PNKD: variants seen among roughly 807,000 people sequenced by gnomAD.
The protein encoded by PNKD is PNKD metallo-beta-lactamase domain containing, also known as probable thioesterase PNKD.
In PNKD, 36 loss-of-function variants were observed where a neutral mutation model predicts 45.3. The observed-to-expected ratio is 0.80, with a 90% CI of 0.61 to 1.05. The LOEUF (loss-of-function observed/expected upper bound fraction) is 1.05. Ranked by LOEUF, PNKD falls within the 50% of genes least tolerant of loss-of-function variation. PNKD has a pLI of 0.00. For missense variants in PNKD, 511 were observed against 506.6 expected (o/e 1.01, Z -0.08); for synonymous variants, 197 against 210.1 (o/e 0.94, Z 0.54).
At chr2:218,316,309 AC>A (rs1259034382) in intron 2 of PNKD, among the ~76,000 whole-genome samples, 1 of 126,004 alleles carries the variant, frequency 7.9e-6, no homozygotes. Flanking sequence ...TCACTCTGTC[AC>A]CCAGGCTGGA....
chr2:218,334,833 T>G (rs1209676424), intron 2 of PNKD: 1 of 689,944 alleles, frequency 1.4e-6, no homozygotes, highest in Non-Finnish European at 2.6e-6. Flanking sequence ...AGTGGTTATT[T>G]TGTGAAGGAG....
intron 2 of PNKD, among the ~76,000 whole-genome samples, chr2:218,335,086 G>C (rs1330003722): frequency 6.6e-6 from 1 of 151,922 alleles, no homozygotes; most frequent in African/African-American, 2.4e-5. Context: ...CAGCGTTTCA[G>C]GCTTCAGTGA....
chr2:218,340,712 C>G lies in PNKD; in HGVS notation c.466-16C>G. The G allele has an allele frequency of 2.5e-6, 4 of 1,611,240 alleles. No homozygotes were observed. The highest frequency in any genetic ancestry group is 3.4e-6 in the Non-Finnish European group (4 of 1,177,448). On this transcript the variant is annotated splice_polypyrimidine_tract_variant and intron_variant, in intron 4 of 9. Transcript: ENST00000273077. The surrounding 1 kb of genome is among the most constrained non-coding windows in gnomAD (Gnocchi z 4.2). ...GCATCCTGCTCCCCAGTCTCCAAAC[C>G]TCCTCTCTCTCGCAGGCTTCCATTG... is the stretch of plus-strand genomic sequence containing the variant.
intron 2 of PNKD, among the ~76,000 whole-genome samples, chr2:218,328,707 T>A (rs567023142): frequency 2.9e-4 from 44 of 152,372 alleles, no homozygotes; most frequent in African/African-American, 9.6e-4. Context: ...TCTGAATGAA[T>A]GCATGCGTGC....
In PNKD at chr2:218,345,027, C is replaced by A; in HGVS notation, c.*46C>A. 6.9e-7 allele frequency: 1 copy of A among 1,457,172 alleles called. No individual in the cohort carries two copies. The highest frequency in any genetic ancestry group is 9.5e-7 in the Non-Finnish European group (1 of 1,056,146). 90.3% of individuals were successfully genotyped at this position (1,457,172 alleles called of 1,614,324 possible). On this transcript the variant is annotated 3_prime_UTR_variant, in exon 10 of 10. Coordinates refer to ENST00000273077, the MANE Select transcript of PNKD (RefSeq NM_015488.5). ...CAGCCCACTCCCCGCATGGGGAGGC[C>A]GCCACCACCAACACCTCATCATCCT...
intron 2 of PNKD, among the ~76,000 whole-genome samples, chr2:218,305,622 T>C (rs12105003): frequency 0.033 from 5,015 of 152,086 alleles, 265 homozygotes; most frequent in African/African-American, 0.11. Context: ...CCTTCCAAAG[T>C]GCTGGGATTA....
chr2:218,283,179 CA>C (rs144138266), intron 2 of PNKD, among the ~76,000 whole-genome samples: 2,260 of 152,294 alleles, frequency 0.015, 58 homozygotes, highest in African/African-American at 0.052. Context: ...GCCAAGAAAC[CA>C]GGGGGAGGGA....
chr2:218,288,018 C>G (rs1321965296), intron 2 of PNKD, among the ~76,000 whole-genome samples: 2 of 152,260 alleles, frequency 1.3e-5, no homozygotes, highest in African/African-American at 4.8e-5. Flanking sequence ...TATAATACTT[C>G]TGAGCACAGT....
intron 2 of PNKD, chr2:218,279,549 A>C: frequency 1.9e-6 from 1 of 537,312 alleles, no homozygotes; most frequent in Non-Finnish European, 3.3e-6. Context: ...GCTCCCTGCC[A>C]TCTCCCCTCC....
In PNKD at chr2:218,340,948, G is replaced by A. The variant is rs1694656619; in HGVS notation, c.524+162G>A. 2 of 690,794 alleles carry A rather than the reference G, an allele frequency of 2.9e-6. No individual in the cohort carries two copies. The highest frequency in any genetic ancestry group is 5.3e-6 in the Non-Finnish European group (2 of 378,618). 42.8% of individuals were successfully genotyped at this position (690,794 alleles called of 1,614,324 possible). ...GACACCAGCAGGGAGGGAGGAGAGG[G>A]GACAGTCTCCCACCACTCCATTGAT... is the stretch of plus-strand genomic sequence containing the variant. On this transcript the variant is annotated intron_variant, in intron 5 of 9. Coordinates refer to ENST00000273077, the MANE Select transcript of PNKD (RefSeq NM_015488.5). This position sits in a 1 kb window ranked among gnomAD's most constrained non-coding sequence, Gnocchi z 4.2.
At chr2:218,305,725 T>C (rs964217077) in intron 2 of PNKD, among the ~76,000 whole-genome samples, 1 of 152,148 alleles carries the variant, frequency 6.6e-6, no homozygotes, top group East Asian at 1.9e-4. Flanking sequence ...GCCCCCACCA[T>C]AGCCAAACCA....
At chr2:218,303,668 C>G (rs1693333362) in intron 2 of PNKD, among the ~76,000 whole-genome samples, 1 of 149,982 alleles carries the variant, frequency 6.7e-6, no homozygotes. Context: ...CCTCTGCCTC[C>G]TGGGTTCAAG....
intron 2 of PNKD, among the ~76,000 whole-genome samples, chr2:218,311,495 G>T (rs538590129): frequency 6.6e-6 from 1 of 152,256 alleles, no homozygotes; most frequent in African/African-American, 2.4e-5. Flanking sequence ...GGAAACATGT[G>T]AGCAAAGGAA....
rs889899692 is a variant in PNKD, at chr2:218,340,301, G to T, written c.465+160G>T. Among the ~76,000 whole-genome samples, 1 of 152,130 alleles carries T rather than the reference G, an allele frequency of 6.6e-6. No individual in the cohort carries two copies. Among genetic ancestry groups the T allele is most frequent in the Non-Finnish European group, 1.5e-5 (1 of 68,014 alleles). On this transcript the variant is annotated intron_variant, in intron 4 of 9. Coordinates refer to ENST00000273077, the MANE Select transcript of PNKD (RefSeq NM_015488.5). The surrounding 1 kb of genome is among the most constrained non-coding windows in gnomAD (Gnocchi z 4.2). ...ATGCGCACACATAGCCTGGGGAAGG[G>T]GGGTACAGGGCATGGCTGGGCAGAA...
chr2:218,340,120 T>C lies in PNKD; in HGVS notation c.444T>C (p.Pro148=). 6.2e-7 allele frequency: 1 copy of C among 1,612,790 alleles called. No individual in the cohort carries two copies. Residue 148 remains proline (P), a synonymous_variant, in exon 4 of 10, where the codon CCT becomes CCC. Coordinates refer to ENST00000273077, the MANE Select transcript of PNKD (RefSeq NM_015488.5). The surrounding 1 kb of genome is among the most constrained non-coding windows in gnomAD (Gnocchi z 4.2). ...CCCAGCTGGCTGTGGCTGTGGACCC[T>C]TCAGACCCTCGGGCTGTGCAGGTGA... The part of the protein sequence containing the change: ...TQAQLAVAVD[P]SDPRAVQASI...
chr2:218,343,507 C>A lies in PNKD; in HGVS notation c.789C>A (p.Thr263=). Residue 263 remains threonine, a synonymous_variant, in exon 8 of 10, where the codon ACC becomes ACA. Coordinates refer to ENST00000273077, the MANE Select transcript of PNKD (RefSeq NM_015488.5). ...CCTCCAACCCCCACCCAGGGCGGAC[C>A]TTTGAGGGCAATGCAGAGACCATGC... ...DLLFLSGCGR[T]FEGNAETMLS... is the part of the protein sequence containing the mutation. The A allele has an allele frequency of 1.2e-6, 2 of 1,613,288 alleles. No homozygotes were observed. Among genetic ancestry groups the A allele is most frequent in the South Asian group, 1.1e-5 (1 of 90,864 alleles).
intron 2 of PNKD, among the ~76,000 whole-genome samples, chr2:218,314,152 G>A (rs4268913): frequency 0.63 from 93,207 of 148,932 alleles, 29,313 homozygotes; most frequent in African/African-American, 0.69. Context: ...CAAACTCCCA[G>A]CCTCAGGTGA....
At chr2:218,276,864 T>C in intron 2 of PNKD, 1 of 682,800 alleles carries the variant, frequency 1.5e-6, no homozygotes, top group Admixed American at 2.3e-5. Context: ...GCCTCCACGT[T>C]GGTGCCTTTG....
At chr2:218,301,473 A>C (rs1429202307) in intron 2 of PNKD, among the ~76,000 whole-genome samples, 1 of 152,190 alleles carries the variant, frequency 6.6e-6, no homozygotes, top group Non-Finnish European at 1.5e-5. Context: ...GCAGAGTCTG[A>C]CTAGCACTGT....
Sources: allele counts gnomAD v4.1 joint callset (sites outside exome capture counted in the v4.1 genomes callset), GRCh38; gene constraint gnomAD v4.1.1; non-coding constraint Gnocchi (gnomAD v3.1); transcripts MANE v1.5; gene names NCBI Gene and HGNC (gene_info 2026-07-23, HGNC 2026-07-21).